STX11: variants seen among roughly 807,000 people sequenced by gnomAD.
STX11 encodes the protein syntaxin 11.
Under a neutral mutation model 19.9 loss-of-function variants are expected in STX11, and 21 were observed. That is an observed-to-expected ratio of 1.06 (90% CI 0.75 to 1.52). The LOEUF is 1.52. STX11 is among the 40% of genes most tolerant of loss of function. The pLI, the probability that STX11 is intolerant of heterozygous loss-of-function variation, is 0.00. For synonymous variants in STX11, 193 were observed against 174.4 expected (o/e 1.11, Z -0.84); for missense variants, 438 against 405.9 (o/e 1.08, Z -0.68).
rs1405661942 is a variant in STX11, at chr6:144,174,376, T to G, written c.-5-12247T>G. On this transcript the variant is annotated intron_variant, in intron 1 of 1. Coordinates refer to ENST00000367568, the MANE Select transcript of STX11 (RefSeq NM_003764.4). The surrounding 1 kb of genome is among the most constrained non-coding windows in gnomAD (Gnocchi z 5.3). ...GTAGTAAGAAGATTTTTATTTTTAT[T>G]TTATTTTTATTTTGAGACAGGGTCA... Among the ~76,000 whole-genome samples the G allele has an allele frequency of 6.6e-6, 1 of 152,108 alleles. No individual in the cohort carries two copies. Among genetic ancestry groups the G allele is most frequent in the African/African-American group, 2.4e-5 (1 of 41,420 alleles).
At chr6:144,157,027 C>G (rs1014808253) in intron 1 of STX11, among the ~76,000 whole-genome samples, 2 of 152,200 alleles carry the variant, frequency 1.3e-5, no homozygotes. Context: ...AATGCAGAGG[C>G]CTGCTACATG....
Position 144,187,296 on chromosome 6 carries a change from C to G in STX11, c.669C>G (p.Asp223Glu). 6.2e-7 allele frequency: 1 copy of G among 1,612,632 alleles called. No individual in the cohort carries two copies. Among genetic ancestry groups the G allele is most frequent in the South Asian group, 1.1e-5 (1 of 91,086 alleles). Residue 223 changes from aspartate (D) to glutamate (E), a missense_variant, in exon 2 of 2, where the codon GAC (aspartate) becomes GAG (glutamate). Physicochemically the swap from Asp to Glu is conservative, Grantham distance 45 (BLOSUM62 2). Coordinates refer to ENST00000367568, the MANE Select transcript of STX11 (RefSeq NM_003764.4). This position sits in a 1 kb window ranked among gnomAD's most constrained non-coding sequence, Gnocchi z 5.6. ...ELLRLESRIRDVHELFLQMAV... is the reference protein window; with the variant it reads ...ELLRLESRIREVHELFLQMAV... ...TGCGCCTGGAGAGCCGCATCCGCGA[C>G]GTACACGAGCTCTTCTTGCAGATGG... is the stretch of plus-strand genomic sequence containing the variant.
chr6:144,161,493 T>G (rs1801337295), intron 1 of STX11, among the ~76,000 whole-genome samples: 1 of 152,010 alleles, frequency 6.6e-6, no homozygotes, highest in African/African-American at 2.4e-5. Context: ...TCAGCCTCCC[T>G]AGTAGCTAGG....
chr6:144,146,110 G>A (rs1385022747), upstream of STX11, among the ~76,000 whole-genome samples: 1 of 152,166 alleles, frequency 6.6e-6, no homozygotes, highest in East Asian at 1.9e-4. This position sits in a 1 kb window ranked among gnomAD's most constrained non-coding sequence, Gnocchi z 4.4. Context: ...GGGCCATGAA[G>A]GAGTTGCACC....
intron 1 of STX11, among the ~76,000 whole-genome samples, chr6:144,181,662 T>C (rs1318475486): frequency 1.3e-5 from 2 of 149,458 alleles, no homozygotes; most frequent in African/African-American, 2.5e-5. Flanking sequence ...AATTTGAGTA[T>C]GCATTATAAT....
rs1357870733 is a variant in STX11, at chr6:144,182,475, T to C, written c.-5-4148T>C. ...TCTCCTGTACCCTTTCTTTTTCTCT[T>C]ATTAGCACATTATGGACTTGCGCCT... is the stretch of plus-strand genomic sequence containing the variant. On this transcript the variant is annotated intron_variant, in intron 1 of 1. Coordinates refer to ENST00000367568, the MANE Select transcript of STX11 (RefSeq NM_003764.4). This position sits in a 1 kb window ranked among gnomAD's most constrained non-coding sequence, Gnocchi z 4.8. Among the ~76,000 whole-genome samples the C allele has an allele frequency of 1.3e-5, 2 of 152,218 alleles. No individual in the cohort carries two copies.
Position 144,167,636 on chromosome 6 carries a change from T to C in STX11, c.-6+16933T>C, listed in dbSNP as rs138104912. Among the ~76,000 whole-genome samples the C allele has an allele frequency of 7.3e-4, 111 of 152,360 alleles. No individual in the cohort carries two copies. The highest frequency in any genetic ancestry group is 2.5e-3 in the African/African-American group (103 of 41,584). On this transcript the variant is annotated intron_variant, in intron 1 of 1. Transcript: ENST00000367568. This position sits in a 1 kb window ranked among gnomAD's most constrained non-coding sequence, Gnocchi z 5.0. Reference sequence around the variant, plus strand: ...TCATTTCTTTTTTATTTTCTTTTTTTGAGACAAGATCTTGCTCTGTTGCTC... The same window carrying C: ...TCATTTCTTTTTTATTTTCTTTTTTCGAGACAAGATCTTGCTCTGTTGCTC...
At position 144,187,147 on chromosome 6, in the gene STX11, G is replaced by C. The variant is rs144325596; in HGVS notation, c.520G>C (p.Gly174Arg). 1 of 1,614,014 alleles carries C rather than the reference G, an allele frequency of 6.2e-7. No homozygotes were observed. The highest frequency in any genetic ancestry group is 8.5e-7 in the Non-Finnish European group (1 of 1,180,014). The change falls in exon 2 of 2, where the codon GGC (glycine) becomes CGC (arginine). Residue 174 changes from glycine (G) to arginine (R), a missense_variant. By Grantham distance (125) the Gly-to-Arg change is moderately radical (BLOSUM62 -2). Coordinates refer to ENST00000367568, the MANE Select transcript of STX11 (RefSeq NM_003764.4). This position sits in a 1 kb window ranked among gnomAD's most constrained non-coding sequence, Gnocchi z 5.6. Reference sequence around the variant, plus strand: ...GGAGATCATGGGCAAGGAAGTCTCGGGCGACCAGATCGAGGACATGTTCGA... The same window carrying C: ...GGAGATCATGGGCAAGGAAGTCTCGCGCGACCAGATCGAGGACATGTTCGA... ...QLEIMGKEVS[G>R]DQIEDMFEQG...
In STX11 at chr6:144,189,917, T is replaced by C. The variant is rs908271710; in HGVS notation, c.*2426T>C. On this transcript the variant is annotated 3_prime_UTR_variant, in exon 2 of 2. Transcript: ENST00000367568. ...TGTTTTTTATAATAGAGGAGAGATA[T>C]TGTAAATAGAGACTGCCAGCCAGTT... Among the ~76,000 whole-genome samples, 4 of 152,226 alleles carry C rather than the reference T, an allele frequency of 2.6e-5. No homozygotes were observed. The highest frequency in any genetic ancestry group is 5.9e-5 in the Non-Finnish European group (4 of 68,044).
chr6:144,168,528 G>GATGTC, intron 1 of STX11, among the ~76,000 whole-genome samples: 1 of 152,210 alleles, frequency 6.6e-6, no homozygotes, highest in South Asian at 2.1e-4. Context: ...AAACTTCATT[G>GATGTC]ATGTCTTCCA....
At chr6:144,143,280 G>C in the STX11 span, among the ~76,000 whole-genome samples, 1 of 152,136 alleles carries the variant, frequency 6.6e-6, no homozygotes, top group Non-Finnish European at 1.5e-5. Flanking sequence ...CAGGATTGTA[G>C]TTATAAAATT....
Position 144,152,188 on chromosome 6 carries a change from C to T in STX11, c.-6+1485C>T, listed in dbSNP as rs916582101. On this transcript the variant is annotated intron_variant, in intron 1 of 1. Transcript: ENST00000367568. This position sits in a 1 kb window ranked among gnomAD's most constrained non-coding sequence, Gnocchi z 4.9. The stretch of plus-strand genomic sequence containing the variant: ...GCAGATTATCACCCCTAGATAATTG[C>T]GGTCACGATTAGTTGATAGTGTGAC... Among the ~76,000 whole-genome samples the T allele has an allele frequency of 1.3e-5, 2 of 152,110 alleles. No individual in the cohort carries two copies. The highest frequency in any genetic ancestry group is 2.4e-5 in the African/African-American group (1 of 41,406).
chr6:144,145,325 C>T, the STX11 span, among the ~76,000 whole-genome samples: 1 of 152,132 alleles, frequency 6.6e-6, no homozygotes, highest in Non-Finnish European at 1.5e-5. Flanking sequence ...TGTATGATTC[C>T]ACTTATATGA....
In STX11 at chr6:144,191,088, A is replaced by G. The variant is rs1434250922; in HGVS notation, c.*3597A>G. 6.6e-6 allele frequency among the ~76,000 whole-genome samples: 1 copy of G among 151,926 alleles called. No individual in the cohort carries two copies. The highest frequency in any genetic ancestry group is 2.4e-5 in the African/African-American group (1 of 41,342). ...AGGGTACAAAATGAAAGAACAAATC[A>G]CAAAGAACAATAGATCCTTCAGGAG... On this transcript the variant is annotated 3_prime_UTR_variant, in exon 2 of 2. Transcript: ENST00000367568.
chr6:144,164,842 T>C (rs1049971138), intron 1 of STX11, among the ~76,000 whole-genome samples: 37 of 151,690 alleles, frequency 2.4e-4, no homozygotes, highest in Admixed American at 3.9e-4. Flanking sequence ...TACAGGCACC[T>C]GCCACTATGC....
Position 144,162,365 on chromosome 6 carries a change from GC to G in STX11, c.-6+11663del, listed in dbSNP as rs1405102847. Among the ~76,000 whole-genome samples the G allele has an allele frequency of 6.6e-6, 1 of 152,124 alleles. No individual in the cohort carries two copies. The highest frequency in any genetic ancestry group is 1.5e-5 in the Non-Finnish European group (1 of 68,034). On this transcript the variant is annotated intron_variant, in intron 1 of 1. Transcript: ENST00000367568. The surrounding 1 kb of genome is among the most constrained non-coding windows in gnomAD (Gnocchi z 4.6). ...TAGACCAATTATCATTTATCCATTT[GC>G]TTCATAATTTCCAACATTGTGTTGC...
chr6:144,167,869 C>T lies in STX11; in HGVS notation c.-6+17166C>T, dbSNP rs1801524793. On this transcript the variant is annotated intron_variant, in intron 1 of 1. Coordinates refer to ENST00000367568, the MANE Select transcript of STX11 (RefSeq NM_003764.4). This position sits in a 1 kb window ranked among gnomAD's most constrained non-coding sequence, Gnocchi z 5.0. ...CTCCTTGACTCAAACAGCCTGCCTG[C>T]CTAAGCCTCCCAAAGTGCTAGGATT... Among the ~76,000 whole-genome samples the T allele has an allele frequency of 6.6e-6, 1 of 152,204 alleles. No individual in the cohort carries two copies. Among genetic ancestry groups the T allele is most frequent in the African/African-American group, 2.4e-5 (1 of 41,460 alleles).
chr6:144,188,464 C>CATGTTA lies in STX11; in HGVS notation c.*974_*975insTGTTAA, dbSNP rs1441853017. ...AGTTTGGGTCAAACTTCATGTTAAA[C>CATGTTA]AACTCTGCATTGGTTATGGCGGTAG... On this transcript the variant is annotated 3_prime_UTR_variant, in exon 2 of 2. Coordinates refer to ENST00000367568, the MANE Select transcript of STX11 (RefSeq NM_003764.4). 6 of 220,900 alleles carry CATGTTA rather than the reference C, an allele frequency of 2.7e-5. No individual in the cohort carries two copies. Among genetic ancestry groups the CATGTTA allele is most frequent in the African/African-American group, 1.4e-4 (6 of 43,780 alleles). 13.7% of individuals were successfully genotyped at this position (220,900 alleles called of 1,614,324 possible).
intron 1 of STX11, among the ~76,000 whole-genome samples, chr6:144,164,904 C>G (rs1801439436): frequency 2.0e-5 from 3 of 151,842 alleles, no homozygotes; most frequent in African/African-American, 7.2e-5. Flanking sequence ...ACCATGTTGG[C>G]CAGGCTAGTC....
Sources: gnomAD v4.1 joint callset for allele counts (sites outside exome capture counted in the v4.1 genomes callset) on GRCh38, gnomAD v4.1.1 for gene constraint, Gnocchi (gnomAD v3.1) non-coding constraint, MANE v1.5 for transcripts, NCBI Gene and HGNC (gene_info 2026-07-23, HGNC 2026-07-21) for gene names.